The following SLC24A2 variants were observed in gnomAD, a reference collection of about 807,000 sequenced individuals.
SLC24A2 encodes the protein sodium/potassium/calcium exchanger 2.
In SLC24A2, 36 loss-of-function variants were observed where a neutral mutation model predicts 62.0. That is an observed-to-expected ratio of 0.58 (90% confidence interval 0.44 to 0.77). The LOEUF (loss-of-function observed/expected upper bound fraction) is 0.77, where lower values mean the gene tolerates loss of function less well. Ranked by LOEUF, SLC24A2 falls within the 30% of genes least tolerant of loss-of-function variation. SLC24A2 has a pLI of 0.00. For synonymous variants in SLC24A2, 358 were observed against 294.0 expected (o/e 1.22, Z -2.23); for missense variants, 846 against 817.9 (o/e 1.03, Z -0.42).
the SLC24A2 span, among the ~76,000 whole-genome samples, chr9:20,105,463 G>A: frequency 6.6e-6 from 1 of 151,614 alleles, no homozygotes; most frequent in Non-Finnish European, 1.5e-5. Context: ...GCTCTCCTCA[G>A]CAAATGTAAA....
At chr9:19,764,276 C>G (rs1410990052) in intron 2 of SLC24A2, among the ~76,000 whole-genome samples, 4 of 152,134 alleles carry the variant, frequency 2.6e-5, no homozygotes, top group Admixed American at 2.0e-4. Flanking sequence ...CCTGGATTCA[C>G]TGATTTTTTT....
At chr9:19,550,361 T>C in intron 7 of SLC24A2, 93 bp from the exon 8 acceptor site, 1 of 1,336,986 alleles carries the variant, frequency 7.5e-7, no homozygotes, top group Non-Finnish European at 1.1e-6. Flanking sequence ...GGAAGCTCCA[T>C]GTCTTATCAG....
intron 2 of SLC24A2, among the ~76,000 whole-genome samples, chr9:19,730,193 T>A (rs531450853): frequency 2.2e-4 from 33 of 152,306 alleles, no homozygotes; most frequent in African/African-American, 7.2e-4. Context: ...ATGACAATAT[T>A]TCATTGCCTT....
At chr9:20,007,114 G>C in the SLC24A2 span, among the ~76,000 whole-genome samples, 2 of 152,142 alleles carry the variant, frequency 1.3e-5, no homozygotes, top group African/African-American at 4.8e-5. Context: ...GATGACAGCT[G>C]ATAAAGTTTA....
At chr9:19,520,603 C>G (rs557141991) in intron 10 of SLC24A2, among the ~76,000 whole-genome samples, 1 of 151,996 alleles carries the variant, frequency 6.6e-6, no homozygotes, top group Non-Finnish European at 1.5e-5. Context: ...ATCTCAGTTC[C>G]ACTTGAATGT....
the SLC24A2 span, among the ~76,000 whole-genome samples, chr9:19,971,427 G>C: frequency 6.6e-6 from 1 of 152,170 alleles, no homozygotes; most frequent in Non-Finnish European, 1.5e-5. Context: ...TGTGTTACAT[G>C]TTATATGAAA....
At chr9:19,881,198 C>G in the SLC24A2 span, among the ~76,000 whole-genome samples, 1 of 151,972 alleles carries the variant, frequency 6.6e-6, no homozygotes, top group African/African-American at 2.4e-5. Flanking sequence ...TAGCAGGAAA[C>G]AGAGTTCAAA....
At chr9:20,160,404 G>T in the SLC24A2 span, among the ~76,000 whole-genome samples, 2 of 151,090 alleles carry the variant, frequency 1.3e-5, no homozygotes, top group Non-Finnish European at 1.5e-5. Context: ...CAAAAAATAA[G>T]TAAGGTTATA....
At chr9:20,154,138 A>G in the SLC24A2 span, among the ~76,000 whole-genome samples, 2 of 151,924 alleles carry the variant, frequency 1.3e-5, no homozygotes, top group South Asian at 4.1e-4. Context: ...TGATTACTCT[A>G]TAAATGAGAT....
the SLC24A2 span, among the ~76,000 whole-genome samples, chr9:20,291,082 A>C: frequency 6.6e-6 from 1 of 152,214 alleles, no homozygotes; most frequent in Non-Finnish European, 1.5e-5. Flanking sequence ...CACACATATC[A>C]ACAATGAACA....
intron 2 of SLC24A2, among the ~76,000 whole-genome samples, chr9:19,770,020 G>A (rs1274010359): frequency 6.6e-6 from 1 of 151,244 alleles, no homozygotes; most frequent in Non-Finnish European, 1.5e-5. Flanking sequence ...AAGCAAGTTA[G>A]GTTTCCAGGC....
intron 7 of SLC24A2, among the ~76,000 whole-genome samples, chr9:19,559,500 G>A (rs1452024101): frequency 1.3e-5 from 2 of 152,054 alleles, no homozygotes; most frequent in African/African-American, 4.8e-5. Flanking sequence ...CTAAGCAGGG[G>A]GCAAGACTCA....
At chr9:20,097,720 A>ATTTTTTTTTTTTTTTTTTTTTTTTTTTT in the SLC24A2 span, among the ~76,000 whole-genome samples, 2 of 69,114 alleles carry the variant, frequency 2.9e-5, no homozygotes, top group Admixed American at 2.1e-4. Context: ...ATCTTAAATA[A>ATTTTTTTTTTTTTTTTTTTTTTTTTTTT]TTTTTTTTTT....
chr9:19,574,544 G>A (rs1198264438), intron 6 of SLC24A2, among the ~76,000 whole-genome samples: 1 of 152,064 alleles, frequency 6.6e-6, no homozygotes, highest in African/African-American at 2.4e-5. Flanking sequence ...TATTACTGTT[G>A]CTACTACTAC....
the SLC24A2 span, among the ~76,000 whole-genome samples, chr9:20,243,322 T>C: frequency 1.4e-4 from 21 of 152,176 alleles, no homozygotes; most frequent in Non-Finnish European, 3.1e-4. Flanking sequence ...GAAAAACACA[T>C]AAGCAGAATG....
intron 2 of SLC24A2, among the ~76,000 whole-genome samples, chr9:19,760,284 G>C (rs550987477): frequency 2.0e-5 from 3 of 152,254 alleles, no homozygotes; most frequent in African/African-American, 7.2e-5. Context: ...CAACGCACCA[G>C]TAATTCTCCC....
the SLC24A2 span, among the ~76,000 whole-genome samples, chr9:20,195,193 T>C: frequency 6.6e-5 from 10 of 152,318 alleles, no homozygotes; most frequent in African/African-American, 2.2e-4. Context: ...GCTATTTGCA[T>C]TGTTTCCAGT....
intron 8 of SLC24A2, among the ~76,000 whole-genome samples, chr9:19,545,980 G>T (rs886729951): frequency 1.3e-5 from 2 of 152,184 alleles, no homozygotes; most frequent in African/African-American, 4.8e-5. Context: ...GTCTGTTGGA[G>T]TTTGCTGGAG....
At chr9:20,212,326 T>C in the SLC24A2 span, among the ~76,000 whole-genome samples, 479 of 151,354 alleles carry the variant, frequency 3.2e-3, 1 homozygote, top group Non-Finnish European at 5.3e-3. Flanking sequence ...GAAAAAAAAA[T>C]TTAAAATCCG....
Sources: gnomAD v4.1 joint callset for allele counts (sites outside exome capture counted in the v4.1 genomes callset) on GRCh38, gnomAD v4.1.1 for gene constraint, MANE v1.5 for transcripts, NCBI Gene and HGNC (gene_info 2026-07-23, HGNC 2026-07-21) for gene names.